Variants in TEAD1 observed in about 807,000 individuals in gnomAD.
TEAD1 encodes the protein TEA domain transcription factor 1, also known as transcriptional enhancer factor TEF-1.
In TEAD1, 9 loss-of-function variants were observed where a neutral mutation model predicts 54.9. The ratio of observed to expected loss-of-function variants is 0.16; its 90% CI spans 0.10 to 0.29. The LOEUF (loss-of-function observed/expected upper bound fraction) is 0.29, where lower values mean the gene tolerates loss of function less well. TEAD1 is among the 10% of genes least tolerant of loss of function. The probability of loss-of-function intolerance (pLI) is 1.00; values close to 1 mark genes in which losing one functional copy is unlikely to be tolerated. For missense variants in TEAD1, 387 were observed against 535.9 expected (o/e 0.72, Z 2.74); for synonymous variants, 200 against 187.8 (o/e 1.07, Z -0.53).
In TEAD1 at chr11:12,879,772, CG is replaced by C; in HGVS notation, c.397del (p.Ala133ProfsTer28). On this transcript the variant is annotated frameshift_variant, in exon 6 of 13. Coordinates refer to ENST00000527636, the MANE Select transcript of TEAD1 (RefSeq NM_021961.6). LOFTEE classifies it high-confidence loss of function. The stretch of plus-strand genomic sequence containing the variant: ...GCCATGTCCTCAGCCCAGATCGTCT[CG>C]GCCACTGCCATTCATAACAAGCTGG... 6.2e-7 allele frequency: 1 copy of C among 1,614,184 alleles called. No homozygotes were observed. Among genetic ancestry groups the C allele is most frequent in the Non-Finnish European group, 8.5e-7 (1 of 1,180,042 alleles).
intron 2 of TEAD1, among the ~76,000 whole-genome samples, chr11:12,755,966 C>T (rs761194928): frequency 6.6e-6 from 1 of 152,098 alleles, no homozygotes; most frequent in Non-Finnish European, 1.5e-5. Flanking sequence ...GGGCTATTCC[C>T]CTAAAGGCTG....
intron 3 of TEAD1, among the ~76,000 whole-genome samples, chr11:12,791,592 G>T (rs920209630): frequency 4.6e-5 from 7 of 152,162 alleles, no homozygotes; most frequent in African/African-American, 1.7e-4. Context: ...TTGCAGGTGG[G>T]TGCGTGTGGG....
intron 2 of TEAD1, among the ~76,000 whole-genome samples, chr11:12,714,313 C>T (rs916586770): frequency 6.6e-6 from 1 of 152,170 alleles, no homozygotes; most frequent in South Asian, 2.1e-4. Context: ...ATAGGATCTG[C>T]ACCCTGTCTT....
In TEAD1 at chr11:12,901,097, C is replaced by T. The variant is rs183360277; in HGVS notation, c.700-843C>T. ...ATTCCAGTTTAATCCAGATTATGCCCAGGCCTTTGTGATGTTTAAATGATC... is the reference window on the plus strand; with the variant it reads ...ATTCCAGTTTAATCCAGATTATGCCTAGGCCTTTGTGATGTTTAAATGATC... On this transcript the variant is annotated intron_variant, in intron 9 of 12. Coordinates refer to ENST00000527636, the MANE Select transcript of TEAD1 (RefSeq NM_021961.6). 7.9e-4 allele frequency among the ~76,000 whole-genome samples: 120 copies of T among 152,258 alleles called. 2 individuals are homozygous for T. Among genetic ancestry groups the T allele is most frequent in the Admixed American group, 7.5e-3 (115 of 15,302 alleles).
intron 3 of TEAD1, among the ~76,000 whole-genome samples, chr11:12,809,233 G>T (rs1468010359): frequency 1.3e-5 from 2 of 152,176 alleles, no homozygotes; most frequent in Non-Finnish European, 2.9e-5. Flanking sequence ...GCCACTCACA[G>T]TCTAGCTCTG....
intron 9 of TEAD1, among the ~76,000 whole-genome samples, chr11:12,883,973 G>A (rs1454042230): frequency 7.5e-5 from 11 of 146,278 alleles, no homozygotes; most frequent in East Asian, 2.1e-4. Flanking sequence ...CCAGCCTGGC[G>A]ACAGAGCGAG....
chr11:12,761,063 CT>C (rs1945094029), intron 2 of TEAD1, among the ~76,000 whole-genome samples: 1 of 152,154 alleles, frequency 6.6e-6, no homozygotes, highest in Admixed American at 6.5e-5. Flanking sequence ...TGGCAAGAGT[CT>C]GGATACACAG....
chr11:12,879,640 G>A, intron 5 of TEAD1, 68 bp from the exon 6 acceptor site: 1 of 1,604,246 alleles, frequency 6.2e-7, no homozygotes, highest in Non-Finnish European at 8.5e-7. Context: ...GCTCGTGGCT[G>A]TGCCTGTGTA....
chr11:12,933,324 T>TTA (rs1280292575), intron 12 of TEAD1, among the ~76,000 whole-genome samples: 1 of 152,204 alleles, frequency 6.6e-6, no homozygotes, highest in Admixed American at 6.5e-5. Flanking sequence ...AATTAATAGT[T>TTA]TAGTTTTAGA....
intron 10 of TEAD1, among the ~76,000 whole-genome samples, chr11:12,911,199 T>C (rs1589982096): frequency 6.6e-6 from 1 of 152,250 alleles, no homozygotes; most frequent in South Asian, 2.1e-4. Context: ...TTTGTCTTGG[T>C]AGAAATGAAA....
chr11:12,772,592 G>T (rs1945334647), intron 3 of TEAD1, among the ~76,000 whole-genome samples: 1 of 152,188 alleles, frequency 6.6e-6, no homozygotes, highest in African/African-American at 2.4e-5. Flanking sequence ...GTGAGTATTA[G>T]CAGAGAGTAT....
chr11:12,716,977 T>C (rs1302754015), intron 2 of TEAD1, among the ~76,000 whole-genome samples: 2 of 152,206 alleles, frequency 1.3e-5, no homozygotes, highest in Admixed American at 1.3e-4. Flanking sequence ...TGAGCTGGGA[T>C]CCGAAGTAGT....
In TEAD1 at chr11:12,881,111, G is replaced by A. The variant is rs975995149; in HGVS notation, c.512+60G>A. On this transcript the variant is annotated intron_variant, in intron 7 of 12. Coordinates refer to ENST00000527636, the MANE Select transcript of TEAD1 (RefSeq NM_021961.6). ...GGGCTGGTCCCAGCCCACGTGGGGA[G>A]AGCTCTTCCTGGACCATAGTGTCTC... The A allele has an allele frequency of 7.5e-5, 118 of 1,581,802 alleles. 3 individuals are homozygous for A. In the South Asian group the frequency reaches 1.2e-3, roughly 16 times the overall value.
chr11:12,854,509 G>C (rs1947333754), intron 3 of TEAD1, among the ~76,000 whole-genome samples: 1 of 152,206 alleles, frequency 6.6e-6, no homozygotes, highest in Non-Finnish European at 1.5e-5. Flanking sequence ...GAGAGCACAT[G>C]TTAGGGTGAT....
In TEAD1 at chr11:12,764,197, G is replaced by C. The variant is rs375374250; in HGVS notation, c.-36G>C. On this transcript the variant is annotated 5_prime_UTR_variant, in exon 3 of 13. Transcript: ENST00000527636. ...CTTCTAGGTTTATTTTCTTGAAAAG[G>C]CTCCAGGCTTCGGCTTGGAAAATCC... 1 of 1,604,772 alleles carries C rather than the reference G, an allele frequency of 6.2e-7. No homozygotes were observed. The highest frequency in any genetic ancestry group is 1.1e-5 in the South Asian group (1 of 89,706).
intron 2 of TEAD1, among the ~76,000 whole-genome samples, chr11:12,676,797 C>G (rs1444153144): frequency 6.6e-6 from 1 of 152,138 alleles, no homozygotes; most frequent in African/African-American, 2.4e-5. Flanking sequence ...CTATGTTGAA[C>G]TCTCAGGTTT....
chr11:12,929,414 T>G (rs1300073683), intron 11 of TEAD1, among the ~76,000 whole-genome samples: 2 of 125,018 alleles, frequency 1.6e-5, no homozygotes, highest in African/African-American at 6.1e-5. Context: ...CTGGCTTCCT[T>G]TGATTTCTTT....
intron 11 of TEAD1, among the ~76,000 whole-genome samples, chr11:12,928,244 C>T (rs1948936470): frequency 2.0e-5 from 3 of 150,856 alleles, no homozygotes; most frequent in African/African-American, 2.4e-5. Flanking sequence ...TTTCACATTA[C>T]ATTTCATAAG....
At chr11:12,786,299 A>G (rs1945675535) in intron 3 of TEAD1, among the ~76,000 whole-genome samples, 1 of 152,162 alleles carries the variant, frequency 6.6e-6, no homozygotes, top group Non-Finnish European at 1.5e-5. Flanking sequence ...AGCTGGCAGA[A>G]CCCAGACCAC....
Sources: allele counts gnomAD v4.1 joint callset (sites outside exome capture counted in the v4.1 genomes callset), GRCh38; gene constraint gnomAD v4.1.1; transcripts MANE v1.5; gene names NCBI Gene and HGNC (gene_info 2026-07-23, HGNC 2026-07-21).